Variants in ZNF804B observed in about 807,000 individuals in gnomAD.
The protein encoded by ZNF804B is zinc finger 804B.
ZNF804B carries 80 observed loss-of-function variants against 101.4 expected under a neutral mutation model. That is an observed-to-expected ratio of 0.79 (90% CI 0.66 to 0.95). The LOEUF (loss-of-function observed/expected upper bound fraction) is 0.95, where lower values mean the gene tolerates loss of function less well. Ranked by LOEUF, ZNF804B falls within the 40% of genes least tolerant of loss-of-function variation. The pLI is 0.00. For missense variants in ZNF804B, 1,673 were observed against 1,561.9 expected, an observed-to-expected ratio of 1.07 and a Z score of -1.20; for synonymous variants, 622 against 558.8, an observed-to-expected ratio of 1.11 and a Z score of -1.59.
chr7:89,067,828 C>CTTTTCTTT, intron 1 of ZNF804B, among the ~76,000 whole-genome samples: 1 of 132,810 alleles, frequency 7.5e-6, no homozygotes, highest in Non-Finnish European at 1.6e-5. Context: ...CTTTTCTTTT[C>CTTTTCTTT]TTTTTTTTTT....
intron 1 of ZNF804B, among the ~76,000 whole-genome samples, chr7:88,832,375 AC>A (rs1791146394): frequency 6.6e-6 from 1 of 152,004 alleles, no homozygotes; most frequent in Non-Finnish European, 1.5e-5. Flanking sequence ...CAACCAGCAC[AC>A]CTTCCCACCC....
At chr7:88,982,293 T>G (rs2116135459) in intron 1 of ZNF804B, among the ~76,000 whole-genome samples, 1 of 152,166 alleles carries the variant, frequency 6.6e-6, no homozygotes, top group Middle Eastern at 3.4e-3. Context: ...TAGTCTGAGG[T>G]TGAGTTTCTT....
chr7:88,904,585 A>T (rs973858100), intron 1 of ZNF804B, among the ~76,000 whole-genome samples: 2 of 152,174 alleles, frequency 1.3e-5, no homozygotes, highest in Non-Finnish European at 2.9e-5. Flanking sequence ...ATCCATGAGC[A>T]TGGAATATTT....
intron 1 of ZNF804B, among the ~76,000 whole-genome samples, chr7:89,150,824 C>T (rs1790864658): frequency 6.6e-6 from 1 of 151,994 alleles, no homozygotes; most frequent in East Asian, 1.9e-4. Flanking sequence ...AGAGGCCAGT[C>T]CTTCCCAGAG....
chr7:89,053,640 C>G (rs543885772), intron 1 of ZNF804B, among the ~76,000 whole-genome samples: 1 of 151,894 alleles, frequency 6.6e-6, no homozygotes, highest in African/African-American at 2.4e-5. Flanking sequence ...CAGATGATCA[C>G]TTTTGATTTC....
At position 89,258,957 on chromosome 7, in the gene ZNF804B, A is replaced by G. The variant is rs73399153; in HGVS notation, c.249+40662A>G. Reference sequence around the variant, plus strand: ...ACATACTCACTGTAATTTTACAAAAATACATCATAATTTCTGTCTGATTTT... The same window carrying G: ...ACATACTCACTGTAATTTTACAAAAGTACATCATAATTTCTGTCTGATTTT... On this transcript the variant is annotated intron_variant, in intron 2 of 3. Coordinates refer to ENST00000333190, the MANE Select transcript of ZNF804B (RefSeq NM_181646.5). Among the ~76,000 whole-genome samples, 1,020 of 152,264 alleles carry G rather than the reference A, an allele frequency of 6.7e-3. 12 individuals are homozygous for G. Among genetic ancestry groups the G allele is most frequent in the African/African-American group, 0.023 (967 of 41,534 alleles).
intron 1 of ZNF804B, among the ~76,000 whole-genome samples, chr7:89,188,241 T>C (rs1279596855): frequency 1.3e-5 from 2 of 152,146 alleles, no homozygotes; most frequent in South Asian, 2.1e-4. Context: ...TGCTGATCCA[T>C]GATCAGTGAT....
In ZNF804B at chr7:89,071,895, A is replaced by C. The variant is rs373091272; in HGVS notation, c.109-146260A>C. Among the ~76,000 whole-genome samples the C allele has an allele frequency of 2.6e-5, 4 of 152,234 alleles. No homozygotes were observed. The East Asian group carries it at 7.7e-4, about 29-fold the overall frequency. Reference sequence around the variant, plus strand: ...TTGTGAGATCCTTATTGTTACTTCTATAAGTTTTCTTACAAATCCTACTTG... The same window carrying C: ...TTGTGAGATCCTTATTGTTACTTCTCTAAGTTTTCTTACAAATCCTACTTG... On this transcript the variant is annotated intron_variant, in intron 1 of 3. Transcript: ENST00000333190.
At chr7:88,854,536 T>G in intron 1 of ZNF804B, among the ~76,000 whole-genome samples, 1 of 67,282 alleles carries the variant, frequency 1.5e-5, no homozygotes, top group South Asian at 6.2e-4. Flanking sequence ...CTTTCCTTCC[T>G]TCCTTCCTTC....
At chr7:88,959,947 A>T (rs1342315033) in intron 1 of ZNF804B, among the ~76,000 whole-genome samples, 1 of 151,364 alleles carries the variant, frequency 6.6e-6, no homozygotes, top group South Asian at 2.1e-4. Context: ...GTTTTGGCAC[A>T]AATATTCTTG....
Position 89,335,983 on chromosome 7 carries a change from A to G in ZNF804B, c.3001A>G (p.Thr1001Ala). The G allele has an allele frequency of 6.2e-7, 1 of 1,614,070 alleles. No individual in the cohort carries two copies. Among genetic ancestry groups the G allele is most frequent in the Non-Finnish European group, 8.5e-7 (1 of 1,179,992 alleles). The part of the protein sequence containing the change: ...NDQDSAIPRT[T>A]EKDKSKSSHT... Reference sequence around the variant, plus strand: ...TCAAGACAGTGCAATTCCAAGGACTACGGAGAAAGACAAAAGCAAAAGTTC... The same window carrying G: ...TCAAGACAGTGCAATTCCAAGGACTGCGGAGAAAGACAAAAGCAAAAGTTC... The change falls in exon 4 of 4, where the codon ACG becomes GCG. Residue 1001 changes from threonine (T) to alanine (A), a missense_variant. Coordinates refer to ENST00000333190, the MANE Select transcript of ZNF804B (RefSeq NM_181646.5).
chr7:88,975,123 G>T (rs1442867968), intron 1 of ZNF804B, among the ~76,000 whole-genome samples: 1 of 151,260 alleles, frequency 6.6e-6, no homozygotes, highest in Non-Finnish European at 1.5e-5. Context: ...TTTTTTTATA[G>T]CTGAATAGTA....
chr7:89,098,018 A>G (rs1357160800), intron 1 of ZNF804B, among the ~76,000 whole-genome samples: 1 of 152,286 alleles, frequency 6.6e-6, no homozygotes, highest in African/African-American at 2.4e-5. Flanking sequence ...TGTTTAGCAC[A>G]TTCTTATCGT....
chr7:89,229,729 A>G (rs1242278968), intron 2 of ZNF804B, among the ~76,000 whole-genome samples: 1 of 152,228 alleles, frequency 6.6e-6, no homozygotes, highest in East Asian at 1.9e-4. Context: ...ACTTATATCT[A>G]TAGAATACTT....
At chr7:88,799,227 T>G (rs1318864171) in intron 1 of ZNF804B, among the ~76,000 whole-genome samples, 1 of 152,058 alleles carries the variant, frequency 6.6e-6, no homozygotes, top group Non-Finnish European at 1.5e-5. Flanking sequence ...ACAGAAAGGA[T>G]TAAAACAATT....
chr7:88,985,936 C>T (rs1020440587), intron 1 of ZNF804B, among the ~76,000 whole-genome samples: 16 of 152,010 alleles, frequency 1.1e-4, no homozygotes, highest in Non-Finnish European at 2.9e-5. Context: ...CTAATAGGAA[C>T]CAATAAACTC....
chr7:88,923,373 G>T (rs1474341079), intron 1 of ZNF804B, among the ~76,000 whole-genome samples: 1 of 152,028 alleles, frequency 6.6e-6, no homozygotes, highest in Non-Finnish European at 1.5e-5. Context: ...ATTAAATTCA[G>T]GTCACTTCTG....
intron 2 of ZNF804B, among the ~76,000 whole-genome samples, chr7:89,256,292 G>A (rs753449107): frequency 6.6e-6 from 1 of 152,160 alleles, no homozygotes; most frequent in African/African-American, 2.4e-5. Flanking sequence ...AGTGGCTCAA[G>A]CCTGTAATCC....
intron 1 of ZNF804B, among the ~76,000 whole-genome samples, chr7:89,093,794 A>G (rs144988155): frequency 8.7e-4 from 132 of 152,360 alleles, no homozygotes; most frequent in Middle Eastern, 6.8e-3. Flanking sequence ...GAAAGGTCCA[A>G]TTATCCAAGG....
Sources: allele counts gnomAD v4.1 joint callset (sites outside exome capture counted in the v4.1 genomes callset), GRCh38; gene constraint gnomAD v4.1.1; transcripts MANE v1.5; gene names NCBI Gene and HGNC (gene_info 2026-07-23, HGNC 2026-07-21).